CDH13: variants seen among roughly 807,000 people sequenced by gnomAD.
CDH13 encodes cadherin-13.
A neutral mutation model predicts 63.8 loss-of-function variants in CDH13; 24 were observed. That is an observed-to-expected ratio of 0.38 (90% CI 0.27 to 0.53). CDH13 has a LOEUF of 0.53. Among genes scored for constraint, CDH13 ranks in the 20% least tolerant of loss-of-function variants. The pLI, the probability that CDH13 is intolerant of heterozygous loss-of-function variation, is 0.85. For missense variants in CDH13, 1,049 were observed against 903.1 expected, an observed-to-expected ratio of 1.16 and a Z score of -2.07; for synonymous variants, 503 against 355.3, an observed-to-expected ratio of 1.42 and a Z score of -4.67.
At chr16:83,257,556 A>T (rs1376776681) in intron 5 of CDH13, among the ~76,000 whole-genome samples, 1 of 152,316 alleles carries the variant, frequency 6.6e-6, no homozygotes, top group Middle Eastern at 3.4e-3. Flanking sequence ...GTTAGGAAGA[A>T]AAACTCCAGT....
intron 6 of CDH13, among the ~76,000 whole-genome samples, chr16:83,414,398 T>C (rs879375103): frequency 2.6e-5 from 4 of 152,200 alleles, no homozygotes; most frequent in African/African-American, 4.8e-5. Context: ...GAAACAAATA[T>C]ATATGTTTAT....
At chr16:83,082,838 G>T (rs1416666518) in intron 3 of CDH13, among the ~76,000 whole-genome samples, 1 of 152,188 alleles carries the variant, frequency 6.6e-6, no homozygotes, top group Non-Finnish European at 1.5e-5. Flanking sequence ...ATATTAATTA[G>T]CAAAGCATTC....
chr16:82,927,757 C>G (rs1331559256), intron 2 of CDH13, among the ~76,000 whole-genome samples: 1 of 152,176 alleles, frequency 6.6e-6, no homozygotes, highest in Non-Finnish European at 1.5e-5. Context: ...CTGTGTTACT[C>G]ACCGCTCAGT....
intron 8 of CDH13, among the ~76,000 whole-genome samples, chr16:83,603,386 C>G (rs1302096553): frequency 6.6e-6 from 1 of 152,170 alleles, no homozygotes; most frequent in Non-Finnish European, 1.5e-5. Flanking sequence ...TGGTGTCTCC[C>G]CCTGAGATCT....
intron 4 of CDH13, among the ~76,000 whole-genome samples, chr16:83,136,415 G>A (rs1162338109): frequency 2.0e-5 from 3 of 151,064 alleles, no homozygotes; most frequent in Admixed American, 6.6e-5. Flanking sequence ...GAACCCAGGA[G>A]GCAGAGTTTG....
At chr16:83,395,224 G>C (rs2091864650) in intron 6 of CDH13, among the ~76,000 whole-genome samples, 1 of 151,400 alleles carries the variant, frequency 6.6e-6, no homozygotes, top group African/African-American at 2.4e-5. Flanking sequence ...TGAGGCAGGA[G>C]AATCACTGGA....
intron 8 of CDH13, 22 bp downstream of exon 8, chr16:83,602,616 C>T: frequency 6.2e-7 from 1 of 1,612,982 alleles, no homozygotes. Flanking sequence ...TGCCAAACAC[C>T]AACCACCACT....
intron 6 of CDH13, among the ~76,000 whole-genome samples, chr16:83,470,159 C>T (rs1334824769): frequency 6.6e-6 from 1 of 152,160 alleles, no homozygotes; most frequent in African/African-American, 2.4e-5. Context: ...TGACATTCAC[C>T]TATCCCTCTA....
intron 5 of CDH13, among the ~76,000 whole-genome samples, chr16:83,243,717 T>A (rs904477715): frequency 6.6e-6 from 1 of 152,160 alleles, no homozygotes; most frequent in Non-Finnish European, 1.5e-5. Context: ...ATGTTAATAT[T>A]TAGGCTAGGA....
intron 1 of CDH13, among the ~76,000 whole-genome samples, chr16:82,789,781 G>C (rs1371070434): frequency 6.6e-6 from 1 of 152,166 alleles, no homozygotes; most frequent in African/African-American, 2.4e-5. Flanking sequence ...CCTAGGTCCT[G>C]TGTTCAGATT....
At chr16:83,624,074 C>T (rs2150782168) in intron 8 of CDH13, among the ~76,000 whole-genome samples, 1 of 152,288 alleles carries the variant, frequency 6.6e-6, no homozygotes, top group South Asian at 2.1e-4. Context: ...AGCCCTCAGA[C>T]AATGTGGACG....
chr16:83,067,315 C>G (rs567281866), intron 3 of CDH13, among the ~76,000 whole-genome samples: 2 of 152,228 alleles, frequency 1.3e-5, no homozygotes, highest in East Asian at 1.9e-4. Flanking sequence ...TGAGGAATAC[C>G]TACTGTCTAC....
At chr16:83,500,215 C>G (rs964953945) in intron 7 of CDH13, among the ~76,000 whole-genome samples, 5 of 149,732 alleles carry the variant, frequency 3.3e-5, no homozygotes, top group Non-Finnish European at 3.0e-5. Context: ...TGAATTCAGA[C>G]ACTAGTTTCT....
At chr16:83,027,102 A>ACCCCCCCC (rs79185242) in intron 2 of CDH13, among the ~76,000 whole-genome samples, 3 of 100,900 alleles carry the variant, frequency 3.0e-5, no homozygotes, top group Admixed American at 1.1e-4. Context: ...CAGAAGGGAG[A>ACCCCCCCC]CCCCCCCCCC....
chr16:82,836,208 G>A (rs1035541017), intron 1 of CDH13, among the ~76,000 whole-genome samples: 4 of 152,148 alleles, frequency 2.6e-5, no homozygotes, highest in African/African-American at 9.7e-5. Context: ...GAGTGCAGTG[G>A]CGCGATCTCG....
intron 6 of CDH13, among the ~76,000 whole-genome samples, chr16:83,448,521 C>G (rs547251527): frequency 6.6e-6 from 1 of 152,152 alleles, no homozygotes; most frequent in Non-Finnish European, 1.5e-5. Flanking sequence ...AAAAGCAGCA[C>G]TATGATAGGG....
Position 82,694,409 on chromosome 16 carries a change from A to G in CDH13, c.45+67272A>G, listed in dbSNP as rs977926034. ...AACATTCAGCACTTTTTTCTGTGTCAATGTGATAGACAATATTCATATTCT... is the reference window on the plus strand; with the variant it reads ...AACATTCAGCACTTTTTTCTGTGTCGATGTGATAGACAATATTCATATTCT... On this transcript the variant is annotated intron_variant, in intron 1 of 13. Transcript: ENST00000567109. Among the ~76,000 whole-genome samples the G allele has an allele frequency of 7.2e-5, 11 of 152,316 alleles. No individual in the cohort carries two copies. The East Asian group carries it at 2.1e-3, about 29-fold the overall frequency.
chr16:83,693,055 C>A (rs1429613729), intron 10 of CDH13, among the ~76,000 whole-genome samples: 2 of 152,196 alleles, frequency 1.3e-5, no homozygotes, highest in African/African-American at 4.8e-5. Flanking sequence ...TACACTCCAG[C>A]CTGGGTAACC....
chr16:83,504,323 C>T (rs2074349184), intron 7 of CDH13, among the ~76,000 whole-genome samples: 1 of 152,182 alleles, frequency 6.6e-6, no homozygotes, highest in Non-Finnish European at 1.5e-5. Flanking sequence ...GAGGTTCCAA[C>T]CTCACCCTTA....
Sources: gnomAD v4.1 joint callset for allele counts (sites outside exome capture counted in the v4.1 genomes callset) on GRCh38, gnomAD v4.1.1 for gene constraint, MANE v1.5 for transcripts, NCBI Gene and HGNC (gene_info 2026-07-23, HGNC 2026-07-21) for gene names.